The following PSMD9 variants were observed in gnomAD, a reference collection of about 807,000 sequenced individuals.
The protein encoded by PSMD9 is 26S proteasome non-ATPase regulatory subunit 9.
Under a neutral mutation model 25.9 loss-of-function variants are expected in PSMD9, and 26 were observed. The observed-to-expected ratio is 1.00, with a 90% CI of 0.73 to 1.39. The LOEUF (loss-of-function observed/expected upper bound fraction) is 1.39. Ranked by LOEUF, PSMD9 falls within the 40% of genes most tolerant of loss-of-function variation. The pLI is 0.00. For synonymous variants in PSMD9, 110 were observed against 114.5 expected (o/e 0.96, Z 0.25); for missense variants, 303 against 299.3 (o/e 1.01, Z -0.09).
At chr12:121,912,606 C>T (rs535426289) in intron 4 of PSMD9, among the ~76,000 whole-genome samples, 2 of 152,080 alleles carry the variant, frequency 1.3e-5, no homozygotes, top group Non-Finnish European at 2.9e-5. Context: ...TGTCTCATGC[C>T]TGTAATCCCA....
chr12:121,908,845 C>G (rs1423356643), intron 4 of PSMD9, among the ~76,000 whole-genome samples: 1 of 151,884 alleles, frequency 6.6e-6, no homozygotes, highest in African/African-American at 2.4e-5. Flanking sequence ...GTTCATAGGC[C>G]CTGGGGTGGG....
At chr12:121,899,383 G>A (rs1392562282) in intron 2 of PSMD9, 13 of 485,344 alleles carry the variant, frequency 2.7e-5, no homozygotes, top group Non-Finnish European at 4.1e-5. Context: ...ACTAGCGAGG[G>A]CAGACTTTGC....
chr12:121,894,536 T>C (rs1444322250), intron 1 of PSMD9: 4 of 550,516 alleles, frequency 7.3e-6, no homozygotes, highest in Non-Finnish European at 1.3e-5. Flanking sequence ...ACTTGCGTCG[T>C]TAAAAATAAA....
intron 4 of PSMD9, among the ~76,000 whole-genome samples, chr12:121,904,933 T>C (rs1467778755): frequency 6.6e-6 from 1 of 151,258 alleles, no homozygotes; most frequent in Non-Finnish European, 1.5e-5. Context: ...GCCTGGTCTA[T>C]TTTTATTATT....
intron 4 of PSMD9, among the ~76,000 whole-genome samples, chr12:121,911,527 A>G (rs534767362): frequency 6.6e-6 from 1 of 152,280 alleles, no homozygotes; most frequent in Non-Finnish European, 1.5e-5. Flanking sequence ...TGCTTTGAAC[A>G]TGGTTGTAGC....
At chr12:121,916,147 C>T in intron 5 of PSMD9, 137 bp from the exon 6 acceptor site, 1 of 1,285,124 alleles carries the variant, frequency 7.8e-7, no homozygotes, top group Non-Finnish European at 1.1e-6. Flanking sequence ...CTGGGAGTCT[C>T]TCCAGTTCAT....
chr12:121,906,376 GA>G (rs1014596904), intron 4 of PSMD9, among the ~76,000 whole-genome samples: 2 of 151,686 alleles, frequency 1.3e-5, no homozygotes, highest in African/African-American at 2.4e-5. Flanking sequence ...TGTGAGTCAA[GA>G]AAAAAAACCT....
In PSMD9 at chr12:121,900,232, G is replaced by A. The variant is rs532262839; in HGVS notation, c.453+387G>A. Among the ~76,000 whole-genome samples the A allele has an allele frequency of 9.9e-5, 15 of 152,218 alleles. No individual in the cohort carries two copies. The South Asian group carries it at 3.1e-3, about 32-fold the overall frequency. On this transcript the variant is annotated intron_variant, in intron 3 of 5. Coordinates refer to ENST00000541212, the MANE Select transcript of PSMD9 (RefSeq NM_002813.7). Reference sequence around the variant, plus strand: ...GTGTCTTAAAAAAAACATTAGGCTGGGCACAGTGGCTCATGCGTGTAATCC... The same window carrying A: ...GTGTCTTAAAAAAAACATTAGGCTGAGCACAGTGGCTCATGCGTGTAATCC...
At chr12:121,900,186 A>C (rs1181633177) in intron 3 of PSMD9, among the ~76,000 whole-genome samples, 4 of 152,166 alleles carry the variant, frequency 2.6e-5, no homozygotes, top group African/African-American at 9.7e-5. Flanking sequence ...ATCTTGCCAA[A>C]TGAGTTATGC....
At chr12:121,910,544 C>T (rs1163427547) in intron 4 of PSMD9, among the ~76,000 whole-genome samples, 1 of 151,672 alleles carries the variant, frequency 6.6e-6, no homozygotes, top group Non-Finnish European at 1.5e-5. Context: ...GGCGGATCAC[C>T]TGAGGTCAGG....
chr12:121,915,680 C>G (rs1348323725), intron 4 of PSMD9, 176 bp from the exon 5 acceptor site: 1 of 601,406 alleles, frequency 1.7e-6, no homozygotes, highest in Non-Finnish European at 2.9e-6. Flanking sequence ...AGGTCAGCAC[C>G]CTGGCTGCCC....
chr12:121,914,952 G>C (rs1024273357), intron 4 of PSMD9: 3 of 152,136 alleles, frequency 2.0e-5, no homozygotes, highest in Admixed American at 1.3e-4. Context: ...GTCCTCTCTG[G>C]AAGTAACCAC....
intron 4 of PSMD9, among the ~76,000 whole-genome samples, chr12:121,907,204 G>C (rs1000132199): frequency 3.3e-5 from 5 of 150,214 alleles, no homozygotes; most frequent in Admixed American, 6.7e-5. Flanking sequence ...CAAGTAGTTG[G>C]GACTACAGGC....
In PSMD9 at chr12:121,912,409, C is replaced by T. The variant is rs115877216; in HGVS notation, c.556-3447C>T. 2.4e-3 allele frequency among the ~76,000 whole-genome samples: 367 copies of T among 152,286 alleles called. 1 individual carries two copies. The highest frequency in any genetic ancestry group is 8.6e-3 in the African/African-American group (359 of 41,536). ...GTTTCACATTCCCACCAGTGGTGCA[C>T]AGGGCTCCATTTTCCCCGCTTCCTC... is the stretch of plus-strand genomic sequence containing the variant. On this transcript the variant is annotated intron_variant, in intron 4 of 5. Transcript: ENST00000541212.
intron 4 of PSMD9, among the ~76,000 whole-genome samples, chr12:121,905,630 C>A (rs1251591007): frequency 6.6e-6 from 1 of 151,688 alleles, no homozygotes; most frequent in Non-Finnish European, 1.5e-5. Flanking sequence ...CAGGTTCAAG[C>A]GATTCTCCAG....
chr12:121,917,022 A>T lies in PSMD9; in HGVS notation c.*711A>T, dbSNP rs1033271193. The T allele has an allele frequency of 6.6e-6, 1 of 152,400 alleles. No homozygotes were observed. The highest frequency in any genetic ancestry group is 2.4e-5 in the African/African-American group (1 of 41,438). The allele number at this position is 152,400 out of a possible 1,614,324, so 9.4% of individuals were successfully genotyped here. On this transcript the variant is annotated 3_prime_UTR_variant, in exon 6 of 6. Coordinates refer to ENST00000541212, the MANE Select transcript of PSMD9 (RefSeq NM_002813.7). Reference sequence around the variant, plus strand: ...GTGTGTTTTTGTTTTTGTTTTCTGGAGACAAGGTCTTGCTTTGTCACCCAG... The same window carrying T: ...GTGTGTTTTTGTTTTTGTTTTCTGGTGACAAGGTCTTGCTTTGTCACCCAG...
chr12:121,912,824 C>T (rs1592950740), intron 4 of PSMD9, among the ~76,000 whole-genome samples: 1 of 133,538 alleles, frequency 7.5e-6, no homozygotes, highest in East Asian at 2.2e-4. Flanking sequence ...TAAGGGATTG[C>T]ATCACTACAC....
intron 4 of PSMD9, 41 bp from the exon 5 acceptor site, chr12:121,915,815 C>T (rs1180454383): frequency 2.0e-6 from 3 of 1,530,704 alleles, no homozygotes; most frequent in South Asian, 2.3e-5. Context: ...TCTCTGAGTA[C>T]TAACGAGGCT....
chr12:121,911,165 G>A (rs995551593), intron 4 of PSMD9, among the ~76,000 whole-genome samples: 4 of 152,132 alleles, frequency 2.6e-5, no homozygotes, highest in Admixed American at 2.0e-4. Context: ...TCAGCCTCCT[G>A]AGTAGCTGGG....
Sources: gnomAD v4.1 joint callset for allele counts (sites outside exome capture counted in the v4.1 genomes callset) on GRCh38, gnomAD v4.1.1 for gene constraint, MANE v1.5 for transcripts, NCBI Gene and HGNC (gene_info 2026-07-23, HGNC 2026-07-21) for gene names.